LRIG1: variants seen among roughly 807,000 people sequenced by gnomAD.
LRIG1 encodes leucine-rich repeats and immunoglobulin-like domains protein 1.
LRIG1 carries 48 observed loss-of-function variants against 99.2 expected under a neutral mutation model. The ratio of observed to expected loss-of-function variants is 0.48; its 90% confidence interval spans 0.38 to 0.62. The LOEUF (loss-of-function observed/expected upper bound fraction) is 0.62. Among genes scored for constraint, LRIG1 ranks in the 20% least tolerant of loss-of-function variants. The probability of loss-of-function intolerance (pLI) is 0.00; values close to 1 mark genes in which losing one functional copy is unlikely to be tolerated. For missense variants in LRIG1, 1,646 were observed against 1,434.4 expected, an observed-to-expected ratio of 1.15 and a Z score of -2.38; for synonymous variants, 772 against 596.1, an observed-to-expected ratio of 1.29 and a Z score of -4.30.
chr3:66,382,659 GAAGTACCGCACTGTT>G (rs1282687926), intron 15 of LRIG1, among the ~76,000 whole-genome samples: 1 of 152,228 alleles, frequency 6.6e-6, no homozygotes, highest in African/African-American at 2.4e-5. Flanking sequence ...GGGGCTCACA[GAAGTACCGCACTGTT>G]TCAGGAACAA....
chr3:66,428,995 A>G (rs964853299), intron 3 of LRIG1, among the ~76,000 whole-genome samples: 1 of 152,242 alleles, frequency 6.6e-6, no homozygotes, highest in Non-Finnish European at 1.5e-5. Context: ...ATAAAAAACA[A>G]GAGCAGCCCA....
intron 1 of LRIG1, among the ~76,000 whole-genome samples, chr3:66,472,490 C>T (rs1274733412): frequency 6.6e-6 from 1 of 152,132 alleles, no homozygotes; most frequent in Non-Finnish European, 1.5e-5. Flanking sequence ...TGAAATGATT[C>T]ACCACTTAAC....
At position 66,441,272 on chromosome 3, in the gene LRIG1, A is replaced by G. The variant is rs138415462; in HGVS notation, c.365+10287T>C. ...CTTTATTTCAGCTGTTTGGGTTTGA[A>G]AGGCATCCAGGAAGTGAGGAAACTG... On this transcript the variant is annotated intron_variant, in intron 3 of 18. Coordinates refer to ENST00000273261, the MANE Select transcript of LRIG1 (RefSeq NM_015541.3). Among the ~76,000 whole-genome samples the G allele has an allele frequency of 2.9e-3, 443 of 152,298 alleles. 2 individuals carry two copies. Among genetic ancestry groups the G allele is most frequent in the East Asian group, 0.013 (67 of 5,174 alleles).
rs957363330 is a variant in LRIG1, at chr3:66,406,104, C to T, written c.1080-826G>A. 3 of 985,482 alleles carry T rather than the reference C, an allele frequency of 3.0e-6. No homozygotes were observed. The African/African-American group carries it at 5.2e-5, about 17-fold the overall frequency. The allele number at this position is 985,482 out of a possible 1,614,324, so 61.0% of individuals were successfully genotyped here. A position where few individuals can be genotyped will look rare whatever the true frequency, so the allele number is the denominator to read the frequency against. On this transcript the variant is annotated intron_variant, in intron 8 of 18. Coordinates refer to ENST00000273261, the MANE Select transcript of LRIG1 (RefSeq NM_015541.3). ...GGGAGAGAAAAGGAACTCTTGTCTCCTGTGAGAAGCTGCAGCAGGAATCAA... is the reference window on the plus strand; with the variant it reads ...GGGAGAGAAAAGGAACTCTTGTCTCTTGTGAGAAGCTGCAGCAGGAATCAA...
At chr3:66,390,418 G>T (rs564724262) in intron 12 of LRIG1, among the ~76,000 whole-genome samples, 6 of 152,182 alleles carry the variant, frequency 3.9e-5, no homozygotes, top group African/African-American at 1.4e-4. Context: ...AGTAGTTGAA[G>T]ATGTGTACAC....
At chr3:66,424,520 C>A (rs1435624726) in intron 3 of LRIG1, among the ~76,000 whole-genome samples, 2 of 152,202 alleles carry the variant, frequency 1.3e-5, no homozygotes, top group African/African-American at 4.8e-5. Context: ...ACATGCAAAC[C>A]CAAGTGGTCA....
chr3:66,383,861 C>G (rs1701230019), intron 14 of LRIG1, 130 bp downstream of exon 14: 1 of 1,327,882 alleles, frequency 7.5e-7, no homozygotes, highest in Non-Finnish European at 1.0e-6. Context: ...ACTCAAAAAG[C>G]AGCCCCAAAT....
intron 1 of LRIG1, among the ~76,000 whole-genome samples, chr3:66,475,547 G>GT (rs2106879026): frequency 6.6e-6 from 1 of 152,288 alleles, no homozygotes; most frequent in Non-Finnish European, 1.5e-5. Flanking sequence ...AATAAAAGCT[G>GT]TTCCAATCCC....
intron 1 of LRIG1, among the ~76,000 whole-genome samples, chr3:66,469,689 A>G (rs1700553058): frequency 6.6e-6 from 1 of 152,202 alleles, no homozygotes; most frequent in Non-Finnish European, 1.5e-5. Flanking sequence ...TATTGTCTAC[A>G]AGGTATACTG....
chr3:66,472,650 G>A (rs1002915495), intron 1 of LRIG1, among the ~76,000 whole-genome samples: 7 of 152,152 alleles, frequency 4.6e-5, no homozygotes, highest in Admixed American at 2.6e-4. Flanking sequence ...CTGCCTTTCC[G>A]GCAGAAGGTA....
intron 11 of LRIG1, among the ~76,000 whole-genome samples, chr3:66,397,498 G>A (rs372114515): frequency 1.3e-5 from 2 of 150,346 alleles, no homozygotes; most frequent in African/African-American, 4.9e-5. Context: ...TTACACCTGA[G>A]GACCCAGACT....
At position 66,394,120 on chromosome 3, in the gene LRIG1, A is replaced by G. The variant is rs1176686627; in HGVS notation, c.1388T>C (p.Phe463Ser). Residue 463 changes from phenylalanine to serine, a missense_variant, in exon 12 of 19, where the codon TTT (phenylalanine) becomes TCT (serine). Phe to Ser is a radical substitution (Grantham distance 155). Transcript: ENST00000273261. ...TGGGTGGGCACAGGTGGCTGTCACA[A>G]AGGCCTGCAGCATCCTGCCAATTAG... Reference protein sequence around the residue: ...PWLIGRMLQAFVTATCAHPES... With the variant: ...PWLIGRMLQASVTATCAHPES... 6.2e-6 allele frequency: 10 copies of G among 1,613,886 alleles called. No homozygotes were observed. The highest frequency in any genetic ancestry group is 8.5e-6 in the Non-Finnish European group (10 of 1,179,952).
chr3:66,498,472 C>T (rs1463735285), intron 1 of LRIG1, among the ~76,000 whole-genome samples: 4 of 151,940 alleles, frequency 2.6e-5, no homozygotes, highest in South Asian at 2.1e-4. Flanking sequence ...AGTGCTTTCC[C>T]CACAATGCCA....
chr3:66,492,453 C>T (rs1434363848), intron 1 of LRIG1, among the ~76,000 whole-genome samples: 1 of 152,062 alleles, frequency 6.6e-6, no homozygotes, highest in Non-Finnish European at 1.5e-5. Context: ...AAGAAAAACC[C>T]TGCATTACGT....
intron 8 of LRIG1, chr3:66,405,895 G>A (rs537031130): frequency 1.9e-6 from 2 of 1,040,112 alleles, no homozygotes; most frequent in South Asian, 6.0e-5. Context: ...ACTCAGCCCA[G>A]GCCCCTCCAA....
intron 2 of LRIG1, among the ~76,000 whole-genome samples, chr3:66,460,014 T>C (rs1451421601): frequency 6.6e-6 from 1 of 152,136 alleles, no homozygotes. Context: ...ACTTTCAAAA[T>C]ATTGTATCAA....
At chr3:66,414,266 G>C (rs1009956613) in intron 5 of LRIG1, among the ~76,000 whole-genome samples, 2 of 152,052 alleles carry the variant, frequency 1.3e-5, no homozygotes, top group African/African-American at 4.8e-5. Context: ...GCATGGTGGT[G>C]GGTGCCTGTA....
At chr3:66,401,727 C>G (rs1052516274) in intron 9 of LRIG1, 1 of 1,344,510 alleles carries the variant, frequency 7.4e-7, no homozygotes, top group African/African-American at 1.5e-5. Context: ...TGGGAGGACA[C>G]TATTTCTGTA....
At chr3:66,459,419 C>T (rs938470442) in intron 2 of LRIG1, among the ~76,000 whole-genome samples, 14 of 152,364 alleles carry the variant, frequency 9.2e-5, no homozygotes, top group South Asian at 4.1e-4. Flanking sequence ...CCTCTGGCCA[C>T]GCACCCCTCC....
Sources: allele counts gnomAD v4.1 joint callset (sites outside exome capture counted in the v4.1 genomes callset), GRCh38; gene constraint gnomAD v4.1.1; transcripts MANE v1.5; gene names NCBI Gene and HGNC (gene_info 2026-07-23, HGNC 2026-07-21).